The following PTPRD variants were observed in gnomAD, a reference collection of about 807,000 sequenced individuals.
PTPRD encodes the protein receptor-type tyrosine-protein phosphatase delta.
A neutral mutation model predicts 214.5 loss-of-function variants in PTPRD; 34 were observed. The ratio of observed to expected loss-of-function variants is 0.16; its 90% CI spans 0.12 to 0.21. PTPRD has a LOEUF of 0.21. Ranked by LOEUF, PTPRD falls within the 10% of genes least tolerant of loss-of-function variation. The pLI is 1.00. For synonymous variants in PTPRD, 1,128 were observed against 845.7 expected (o/e 1.33, Z -5.79); for missense variants, 2,545 against 2,398.7 (o/e 1.06, Z -1.27).
chr9:8,969,231 A>T (rs113099065), intron 11 of PTPRD, among the ~76,000 whole-genome samples: 2 of 152,066 alleles, frequency 1.3e-5, no homozygotes, highest in African/African-American at 4.8e-5. Flanking sequence ...AATCGTGCCA[A>T]GTGTTGGCAG....
In PTPRD at chr9:10,063,995, T is replaced by C. The variant is rs186822683; in HGVS notation, c.-544-30205A>G. ...CAATAGTAAAAACACACCAAATGTG[T>C]TCCCTAACCCTTCATATATTTTCTG... On this transcript the variant is annotated intron_variant, in intron 3 of 45. Transcript: ENST00000381196. Among the ~76,000 whole-genome samples, 172 of 152,066 alleles carry C rather than the reference T, an allele frequency of 1.1e-3. 2 individuals are homozygous for C. Among genetic ancestry groups the C allele is most frequent in the Middle Eastern group, 3.4e-3 (1 of 294 alleles).
At chr9:9,397,007 T>C (rs1459373349) in intron 9 of PTPRD, among the ~76,000 whole-genome samples, 1 of 152,026 alleles carries the variant, frequency 6.6e-6, no homozygotes, top group East Asian at 1.9e-4. Context: ...TATAAGGCAA[T>C]TATGTAAGCT....
chr9:8,707,126 G>A (rs1213761885), intron 12 of PTPRD, among the ~76,000 whole-genome samples: 1 of 152,138 alleles, frequency 6.6e-6, no homozygotes, highest in Non-Finnish European at 1.5e-5. Context: ...TTTCTATTTT[G>A]AGTATAGGAC....
At chr9:10,170,332 T>C (rs982052152) in intron 3 of PTPRD, among the ~76,000 whole-genome samples, 7 of 152,216 alleles carry the variant, frequency 4.6e-5, no homozygotes, top group Admixed American at 1.3e-4. Flanking sequence ...GAAAGCTTTT[T>C]ATATTAGAGG....
intron 2 of PTPRD, among the ~76,000 whole-genome samples, chr9:10,600,418 G>T (rs1309961023): frequency 6.6e-6 from 1 of 151,688 alleles, no homozygotes; most frequent in Non-Finnish European, 1.5e-5. Flanking sequence ...AATTTCTTAA[G>T]ATTGATGAGA....
At chr9:9,552,882 A>G (rs2080657113) in intron 8 of PTPRD, among the ~76,000 whole-genome samples, 2 of 152,190 alleles carry the variant, frequency 1.3e-5, no homozygotes, top group African/African-American at 2.4e-5. Flanking sequence ...GACAGCTGCT[A>G]TTCTGACATG....
intron 2 of PTPRD, among the ~76,000 whole-genome samples, chr9:10,395,932 C>T (rs1399188593): frequency 1.4e-5 from 2 of 142,494 alleles, no homozygotes; most frequent in African/African-American, 5.2e-5. Context: ...GAAGAAGAAG[C>T]CACAGAGGGA....
chr9:10,182,654 T>C (rs1033384731), intron 3 of PTPRD, among the ~76,000 whole-genome samples: 2 of 152,084 alleles, frequency 1.3e-5, no homozygotes, highest in African/African-American at 2.4e-5. Context: ...AATAAATAAA[T>C]GGACAGTAAA....
At chr9:8,726,616 T>A (rs1183465492) in intron 12 of PTPRD, among the ~76,000 whole-genome samples, 95 of 4,556 alleles carry the variant, frequency 0.021, 29 homozygotes, top group African/African-American at 0.032. Flanking sequence ...TATATATATA[T>A]ATATATATAT....
chr9:9,244,567 G>T (rs1594425871), intron 9 of PTPRD, among the ~76,000 whole-genome samples: 1 of 152,174 alleles, frequency 6.6e-6, no homozygotes, highest in Admixed American at 6.5e-5. Flanking sequence ...ATGGTTATGG[G>T]AAAACTGGCT....
Position 8,486,206 on chromosome 9 carries a change from G to C in PTPRD, c.2611C>G (p.Leu871Val), listed in dbSNP as rs1426671700. The change falls in exon 28 of 46, where the codon CTT (leucine) becomes GTT (valine). Residue 871 changes from leucine (L) to valine (V), a missense_variant. Transcript: ENST00000381196. ...GRKDMEPLTT[L>V]EFSEKEDHFT... ...TGATCTTCTTTTTCAGAGAACTCAAGAGTAGTAAGTGGCTCCATATCCTTG... is the reference window on the plus strand; with the variant it reads ...TGATCTTCTTTTTCAGAGAACTCAACAGTAGTAAGTGGCTCCATATCCTTG... 6.2e-7 allele frequency: 1 copy of C among 1,614,216 alleles called. No individual in the cohort carries two copies. Among genetic ancestry groups the C allele is most frequent in the Non-Finnish European group, 8.5e-7 (1 of 1,180,022 alleles).
At chr9:10,456,577 T>C (rs1004478908) in intron 2 of PTPRD, among the ~76,000 whole-genome samples, 2 of 151,868 alleles carry the variant, frequency 1.3e-5, no homozygotes, top group Admixed American at 1.3e-4. Flanking sequence ...GTCAAATAGA[T>C]AGCACCTTTC....
At chr9:9,058,656 A>G (rs984261474) in intron 10 of PTPRD, among the ~76,000 whole-genome samples, 9 of 150,958 alleles carry the variant, frequency 6.0e-5, no homozygotes, top group African/African-American at 2.2e-4. Context: ...TCACCGTGTT[A>G]GCCAGGATGG....
At chr9:8,323,600 T>C (rs917365947) in intron 44 of PTPRD, among the ~76,000 whole-genome samples, 1 of 141,442 alleles carries the variant, frequency 7.1e-6, no homozygotes, top group African/African-American at 2.9e-5. Context: ...ATTGCAAAAA[T>C]GGTGGAATAG....
chr9:9,238,820 C>T (rs1370792998), intron 9 of PTPRD, among the ~76,000 whole-genome samples: 6 of 152,024 alleles, frequency 3.9e-5, no homozygotes, highest in Admixed American at 3.3e-4. Context: ...ACTGAAAATC[C>T]ACGTATCTGA....
At chr9:9,927,186 G>T (rs941017089) in intron 5 of PTPRD, among the ~76,000 whole-genome samples, 1 of 152,060 alleles carries the variant, frequency 6.6e-6, no homozygotes, top group African/African-American at 2.4e-5. Flanking sequence ...ATTTCTACTT[G>T]TGATTTCACT....
intron 9 of PTPRD, among the ~76,000 whole-genome samples, chr9:9,369,587 T>A (rs2058871959): frequency 6.6e-6 from 1 of 152,148 alleles, no homozygotes; most frequent in Admixed American, 6.6e-5. Flanking sequence ...GATAGTTTCT[T>A]TTGCTGTGCA....
At chr9:10,380,198 C>T (rs1174175026) in intron 2 of PTPRD, among the ~76,000 whole-genome samples, 1 of 152,024 alleles carries the variant, frequency 6.6e-6, no homozygotes, top group African/African-American at 2.4e-5. Context: ...AAAAGAAACA[C>T]ATAGAGATGT....
rs1025024794 is a variant in PTPRD at position 8,500,877 on chromosome 9, T to G, written c.2005A>C (p.Thr669Pro). The G allele has an allele frequency of 3.1e-6, 5 of 1,614,088 alleles. No homozygotes were observed. The highest frequency in any genetic ancestry group is 2.7e-5 in the African/African-American group (2 of 74,934). ...PHEILGIPSD[T>P]TKYLLEQLEK... Reference sequence around the variant, plus strand: ...AGCTGTTCCAAAAGGTATTTGGTAGTGTCCGAAGGAATTCCCAAAATCTCG... The same window carrying G: ...AGCTGTTCCAAAAGGTATTTGGTAGGGTCCGAAGGAATTCCCAAAATCTCG... The change falls in exon 24 of 46, where the codon ACT becomes CCT. Residue 669 changes from threonine (T) to proline (P), a missense_variant. Coordinates refer to ENST00000381196, the MANE Select transcript of PTPRD (RefSeq NM_002839.4).
Sources: gnomAD v4.1 joint callset for allele counts (sites outside exome capture counted in the v4.1 genomes callset) on GRCh38, gnomAD v4.1.1 for gene constraint, MANE v1.5 for transcripts, NCBI Gene and HGNC (gene_info 2026-07-23, HGNC 2026-07-21) for gene names.